NRG3: variants seen among roughly 807,000 people sequenced by gnomAD.
The protein encoded by NRG3 is pro-neuregulin-3, membrane-bound isoform.
In NRG3, 31 loss-of-function variants were observed where a neutral mutation model predicts 66.9. The observed-to-expected ratio is 0.46, with a 90% CI of 0.35 to 0.63. The LOEUF (loss-of-function observed/expected upper bound fraction) is 0.63, where lower values mean the gene tolerates loss of function less well. Ranked by LOEUF, NRG3 falls within the 20% of genes least tolerant of loss-of-function variation. The probability of loss-of-function intolerance (pLI) is 0.00; values close to 1 mark genes in which losing one functional copy is unlikely to be tolerated. For synonymous variants in NRG3, 393 were observed against 359.4 expected (o/e 1.09, Z -1.06); for missense variants, 910 against 878.9 (o/e 1.04, Z -0.45).
intron 2 of NRG3, among the ~76,000 whole-genome samples, chr10:82,705,626 A>G (rs948957670): frequency 6.6e-6 from 1 of 152,198 alleles, no homozygotes; most frequent in Non-Finnish European, 1.5e-5. Flanking sequence ...AATGACCCTG[A>G]GGAGGGCTTA....
chr10:82,088,362 A>G (rs1480756910), intron 1 of NRG3, among the ~76,000 whole-genome samples: 1 of 152,078 alleles, frequency 6.6e-6, no homozygotes, highest in East Asian at 1.9e-4. Context: ...CAAGAGTACA[A>G]TTGTAGTTTA....
At chr10:82,849,023 G>A (rs1290688360) in intron 3 of NRG3, among the ~76,000 whole-genome samples, 1 of 152,082 alleles carries the variant, frequency 6.6e-6, no homozygotes, top group Non-Finnish European at 1.5e-5. Flanking sequence ...GCTAATACAA[G>A]TCCTAATACC....
At chr10:82,864,869 A>G (rs1840555475) in intron 3 of NRG3, among the ~76,000 whole-genome samples, 1 of 152,196 alleles carries the variant, frequency 6.6e-6, no homozygotes, top group Non-Finnish European at 1.5e-5. Flanking sequence ...AATCTCACTG[A>G]AGCACAGTTT....
At chr10:82,952,720 T>G (rs1161186529) in intron 5 of NRG3, among the ~76,000 whole-genome samples, 1 of 151,824 alleles carries the variant, frequency 6.6e-6, no homozygotes, top group Non-Finnish European at 1.5e-5. Context: ...TTTACCAATT[T>G]GCTCTTCTAA....
chr10:82,574,843 C>A (rs998667172), intron 2 of NRG3, among the ~76,000 whole-genome samples: 1 of 151,660 alleles, frequency 6.6e-6, no homozygotes, highest in Non-Finnish European at 1.5e-5. Flanking sequence ...GGATGAATAT[C>A]GCACAATGTC....
intron 1 of NRG3, among the ~76,000 whole-genome samples, chr10:82,140,879 A>G (rs1023133486): frequency 2.0e-5 from 3 of 152,188 alleles, no homozygotes; most frequent in African/African-American, 2.4e-5. Context: ...AACTAAAAAT[A>G]TGAAACACTG....
intron 4 of NRG3, among the ~76,000 whole-genome samples, chr10:82,938,710 C>A (rs17101130): frequency 0.12 from 18,512 of 152,182 alleles, 1,760 homozygotes; most frequent in African/African-American, 0.26. Flanking sequence ...CAAAGTTAAA[C>A]GGTCTTTAGT....
intron 1 of NRG3, among the ~76,000 whole-genome samples, chr10:82,131,934 G>A (rs1409652914): frequency 1.3e-5 from 2 of 151,844 alleles, no homozygotes; most frequent in African/African-American, 4.8e-5. Context: ...AGTTTTTTTG[G>A]TGCAGTCTTC....
At chr10:82,944,743 T>A (rs948399711) in intron 4 of NRG3, among the ~76,000 whole-genome samples, 1 of 152,064 alleles carries the variant, frequency 6.6e-6, no homozygotes, top group Non-Finnish European at 1.5e-5. Context: ...AATAAATGCA[T>A]TAAAAACAAA....
chr10:82,042,306 T>C (rs1299870321), intron 1 of NRG3, among the ~76,000 whole-genome samples: 5 of 152,054 alleles, frequency 3.3e-5, no homozygotes, highest in Non-Finnish European at 5.9e-5. Flanking sequence ...ATTTAAAATG[T>C]AGGATTAGGA....
chr10:82,725,505 C>G (rs1025612361), intron 2 of NRG3, among the ~76,000 whole-genome samples: 1 of 152,030 alleles, frequency 6.6e-6, no homozygotes, highest in African/African-American at 2.4e-5. Context: ...CAAGAGATAG[C>G]TAAATTGATC....
chr10:82,199,423 G>T (rs1614787), intron 1 of NRG3, among the ~76,000 whole-genome samples: 90,031 of 151,874 alleles, frequency 0.59, 28,013 homozygotes, highest in Middle Eastern at 0.77. Flanking sequence ...TGGGAGCTGA[G>T]GTATTTAATA....
At chr10:82,345,976 C>A (rs61864210) in intron 1 of NRG3, among the ~76,000 whole-genome samples, 118 of 152,040 alleles carry the variant, frequency 7.8e-4, no homozygotes, top group Non-Finnish European at 1.6e-4. Context: ...TGAGACAATG[C>A]GGTTTTCTAG....
Position 82,503,920 on chromosome 10 carries a change from C to T in NRG3, c.953+145052C>T, listed in dbSNP as rs142073869. On this transcript the variant is annotated intron_variant, in intron 2 of 8. Transcript: ENST00000372141. Reference sequence around the variant, plus strand: ...TGGGGTGTACTTTAAAGGAGGCAGACGGCCTGGACAACAGCTGTGTATAAG... The same window carrying T: ...TGGGGTGTACTTTAAAGGAGGCAGATGGCCTGGACAACAGCTGTGTATAAG... 4.9e-3 allele frequency among the ~76,000 whole-genome samples: 741 copies of T among 152,220 alleles called. 1 individual carries two copies. Among genetic ancestry groups the T allele is most frequent in the Non-Finnish European group, 8.5e-3 (577 of 68,006 alleles).
At chr10:82,627,343 G>A (rs1379617161) in intron 2 of NRG3, among the ~76,000 whole-genome samples, 1 of 151,976 alleles carries the variant, frequency 6.6e-6, no homozygotes, top group Admixed American at 6.6e-5. Flanking sequence ...AAAATTACTG[G>A]GAATCTATTT....
At chr10:82,628,821 A>G (rs1450815903) in intron 2 of NRG3, among the ~76,000 whole-genome samples, 2 of 152,168 alleles carry the variant, frequency 1.3e-5, no homozygotes, top group Non-Finnish European at 2.9e-5. Flanking sequence ...AACAGCTTCA[A>G]TATGGAAGGA....
intron 3 of NRG3, among the ~76,000 whole-genome samples, chr10:82,845,549 G>A (rs1466189896): frequency 3.9e-5 from 6 of 152,128 alleles, no homozygotes; most frequent in Non-Finnish European, 8.8e-5. Flanking sequence ...AAAAAAGGGT[G>A]TAGATGTTAA....
In NRG3 at chr10:82,350,231, G is replaced by T. The variant is rs190571861; in HGVS notation, c.824-8508G>T. ...CATTATCAGAGATTTGGAGCAAAAA[G>T]GTGCTGTTACCTTATCATTCTGAAG... On this transcript the variant is annotated intron_variant, in intron 1 of 8. Coordinates refer to ENST00000372141, the MANE Select transcript of NRG3 (RefSeq NM_001010848.4). Among the ~76,000 whole-genome samples the T allele has an allele frequency of 5.8e-4, 89 of 152,318 alleles. 1 individual carries two copies. The highest frequency in any genetic ancestry group is 1.8e-3 in the African/African-American group (76 of 41,584).
intron 1 of NRG3, among the ~76,000 whole-genome samples, chr10:81,987,299 G>T (rs2133533803): frequency 6.6e-6 from 1 of 152,264 alleles, no homozygotes; most frequent in East Asian, 1.9e-4. Flanking sequence ...TGGCCAGGCT[G>T]GTCTCGAACT....
Sources: allele counts gnomAD v4.1 joint callset (sites outside exome capture counted in the v4.1 genomes callset), GRCh38; gene constraint gnomAD v4.1.1; transcripts MANE v1.5; gene names NCBI Gene and HGNC (gene_info 2026-07-23, HGNC 2026-07-21).